The following ELMO1 variants were observed in gnomAD, a reference collection of about 807,000 sequenced individuals.
The protein encoded by ELMO1 is engulfment and cell motility protein 1.
A neutral mutation model predicts 98.9 loss-of-function variants in ELMO1; 26 were observed. The ratio of observed to expected loss-of-function variants is 0.26; its 90% CI spans 0.19 to 0.36. ELMO1 has a LOEUF of 0.36. ELMO1 is among the 10% of genes least tolerant of loss of function. The pLI is 1.00. For synonymous variants in ELMO1, 346 were observed against 346.0 expected (o/e 1.00, Z 0.00); for missense variants, 627 against 935.2 (o/e 0.67, Z 4.30).
intron 14 of ELMO1, among the ~76,000 whole-genome samples, chr7:37,107,042 T>C (rs1213627503): frequency 6.6e-6 from 1 of 152,208 alleles, no homozygotes; most frequent in Non-Finnish European, 1.5e-5. Context: ...ATTCTAGCCC[T>C]AGTCCTTCCC....
At chr7:37,012,256 A>C (rs1297111020) in intron 16 of ELMO1, among the ~76,000 whole-genome samples, 3 of 152,188 alleles carry the variant, frequency 2.0e-5, no homozygotes, top group African/African-American at 7.2e-5. Flanking sequence ...AGATGCCACA[A>C]ATGAGAAATA....
intron 16 of ELMO1, among the ~76,000 whole-genome samples, chr7:36,967,637 G>A (rs1049414252): frequency 2.0e-5 from 3 of 152,212 alleles, no homozygotes; most frequent in Non-Finnish European, 4.4e-5. Flanking sequence ...CCGTGTCCCT[G>A]GATAGGTAAC....
intron 1 of ELMO1, among the ~76,000 whole-genome samples, chr7:37,360,763 T>C (rs1801670838): frequency 6.6e-6 from 1 of 152,200 alleles, no homozygotes; most frequent in African/African-American, 2.4e-5. Context: ...TATCAGTAAG[T>C]CTAACACTGA....
chr7:36,970,603 A>G (rs1201896985), intron 16 of ELMO1, among the ~76,000 whole-genome samples: 1 of 152,226 alleles, frequency 6.6e-6, no homozygotes, highest in East Asian at 1.9e-4. Context: ...TCCCTGGCAC[A>G]TTACTAGGCA....
intron 16 of ELMO1, among the ~76,000 whole-genome samples, chr7:36,910,668 G>A (rs139760566): frequency 0.011 from 1,686 of 152,314 alleles, 17 homozygotes; most frequent in South Asian, 0.019. Flanking sequence ...ATAAATGAGA[G>A]TGTACAGTGC....
At chr7:37,171,310 C>T (rs958700441) in intron 13 of ELMO1, among the ~76,000 whole-genome samples, 1 of 151,802 alleles carries the variant, frequency 6.6e-6, no homozygotes, top group South Asian at 2.1e-4. Context: ...GGCTAGGTTT[C>T]TTTTTCTCAG....
intron 15 of ELMO1, among the ~76,000 whole-genome samples, chr7:37,075,914 C>G (rs1797551801): frequency 1.3e-5 from 2 of 152,112 alleles, no homozygotes; most frequent in Admixed American, 1.3e-4. Context: ...AATGTGAAAA[C>G]AGACAATGCT....
chr7:36,856,023 T>C (rs1166426885), intron 21 of ELMO1, among the ~76,000 whole-genome samples: 1 of 152,258 alleles, frequency 6.6e-6, no homozygotes, highest in Non-Finnish European at 1.5e-5. Context: ...CTCCAGTGCC[T>C]GTGCTCTTCT....
At chr7:37,359,205 G>A (rs918968849) in intron 1 of ELMO1, among the ~76,000 whole-genome samples, 5 of 152,206 alleles carry the variant, frequency 3.3e-5, no homozygotes, top group Non-Finnish European at 7.3e-5. Context: ...CTTCCTTGCA[G>A]GACTATCTGC....
intron 1 of ELMO1, among the ~76,000 whole-genome samples, chr7:37,420,665 T>G (rs1268564973): frequency 6.6e-6 from 1 of 152,228 alleles, no homozygotes; most frequent in Non-Finnish European, 1.5e-5. Context: ...CTGACCACTT[T>G]GTTAGAAGAC....
chr7:37,173,993 T>A (rs1226470117), intron 13 of ELMO1, among the ~76,000 whole-genome samples: 1 of 152,200 alleles, frequency 6.6e-6, no homozygotes, highest in East Asian at 1.9e-4. Flanking sequence ...AATACCTTAG[T>A]GATTATCTGA....
At chr7:37,009,797 T>A (rs35979822) in intron 16 of ELMO1, among the ~76,000 whole-genome samples, 7,293 of 152,330 alleles carry the variant, frequency 0.048, 197 homozygotes, top group Middle Eastern at 0.078. Flanking sequence ...TGGGCTTTTT[T>A]AAAGACATTT....
chr7:37,038,678 C>T (rs1795327639), intron 15 of ELMO1, among the ~76,000 whole-genome samples: 1 of 152,164 alleles, frequency 6.6e-6, no homozygotes, highest in Non-Finnish European at 1.5e-5. Flanking sequence ...TTAGTTTGTT[C>T]AGGCTTCAAT....
chr7:36,944,687 G>A (rs1353829984), intron 16 of ELMO1, among the ~76,000 whole-genome samples: 1 of 152,264 alleles, frequency 6.6e-6, no homozygotes, highest in East Asian at 1.9e-4. Context: ...ACATTGATTT[G>A]TTGCCTGCTG....
At chr7:37,113,091 C>A (rs190048618) in intron 14 of ELMO1, among the ~76,000 whole-genome samples, 18 of 152,314 alleles carry the variant, frequency 1.2e-4, no homozygotes, top group Non-Finnish European at 1.9e-4. Context: ...CACTCCAGGA[C>A]GGACAAAGGC....
At chr7:37,410,790 C>G (rs907389839) in intron 1 of ELMO1, among the ~76,000 whole-genome samples, 3 of 152,150 alleles carry the variant, frequency 2.0e-5, no homozygotes, top group African/African-American at 7.2e-5. Context: ...CAGTGGGTTT[C>G]CTGTTGGAGA....
At chr7:37,212,168 C>G (rs558703166) in intron 12 of ELMO1, among the ~76,000 whole-genome samples, 1 of 152,206 alleles carries the variant, frequency 6.6e-6, no homozygotes, top group East Asian at 1.9e-4. Context: ...TATGAGGTCC[C>G]TGGAGTAGTC....
intron 16 of ELMO1, among the ~76,000 whole-genome samples, chr7:37,005,107 C>CAAAAAAAAAAAAA (rs35665315): frequency 3.7e-4 from 14 of 38,278 alleles, no homozygotes; most frequent in South Asian, 1.5e-3. Flanking sequence ...GGCTCTGTCT[C>CAAAAAAAAAAAAA]AAAAAAAAAA....
intron 1 of ELMO1, among the ~76,000 whole-genome samples, chr7:37,371,119 G>A (rs1399960752): frequency 6.6e-6 from 1 of 152,130 alleles, no homozygotes; most frequent in Non-Finnish European, 1.5e-5. Context: ...CATTCTCATA[G>A]TTGAATCTCA....
Sources: allele counts gnomAD v4.1 joint callset (sites outside exome capture counted in the v4.1 genomes callset), GRCh38; gene constraint gnomAD v4.1.1; transcripts MANE v1.5; gene names NCBI Gene and HGNC (gene_info 2026-07-23, HGNC 2026-07-21).